Variants in TDRD5 observed in about 807,000 individuals in gnomAD.
TDRD5 encodes the protein tudor domain-containing protein 5.
Under a neutral mutation model 120.6 loss-of-function variants are expected in TDRD5, and 41 were observed. The observed-to-expected ratio is 0.34, with a 90% CI of 0.26 to 0.44. The LOEUF is 0.44. TDRD5 is among the 20% of genes least tolerant of loss of function. TDRD5 has a pLI of 1.00. For missense variants in TDRD5, 1,006 were observed against 1,221.2 expected (o/e 0.82, Z 2.63); for synonymous variants, 430 against 433.7 (o/e 0.99, Z 0.11).
At chr1:179,646,808 C>T (rs1301037087) in intron 11 of TDRD5, among the ~76,000 whole-genome samples, 20 of 151,926 alleles carry the variant, frequency 1.3e-4, no homozygotes, top group Non-Finnish European at 2.8e-4. Context: ...TATACACCAA[C>T]AACAGACAGA....
chr1:179,629,373 C>T (rs897429842), intron 6 of TDRD5, among the ~76,000 whole-genome samples: 1 of 152,082 alleles, frequency 6.6e-6, no homozygotes, highest in African/African-American at 2.4e-5. Flanking sequence ...AGAAGGTCTT[C>T]CACTGAAAGC....
chr1:179,654,804 A>G (rs899603678), intron 14 of TDRD5, among the ~76,000 whole-genome samples: 7 of 152,146 alleles, frequency 4.6e-5, no homozygotes, highest in African/African-American at 9.7e-5. Flanking sequence ...AAATGTGTTC[A>G]TAGTAACCAA....
intron 17 of TDRD5, 136 bp from the exon 18 acceptor site, chr1:179,690,559 TG>T: frequency 8.6e-7 from 1 of 1,162,520 alleles, no homozygotes; most frequent in Non-Finnish European, 1.2e-6. Context: ...TCATCTTCTC[TG>T]ATTAGCCATT....
At chr1:179,646,898 G>A (rs946123146) in intron 11 of TDRD5, among the ~76,000 whole-genome samples, 1 of 151,126 alleles carries the variant, frequency 6.6e-6, no homozygotes, top group African/African-American at 2.4e-5. Context: ...TACAAGGGAT[G>A]TGAAGGACCT....
At chr1:179,663,608 C>G in intron 16 of TDRD5, 117 bp downstream of exon 16, 1 of 1,325,080 alleles carries the variant, frequency 7.5e-7, no homozygotes, top group East Asian at 2.5e-5. Context: ...TAACAGCTTG[C>G]TGTAGCTGTT....
At chr1:179,684,931 ACT>A (rs1455096823) in intron 17 of TDRD5, among the ~76,000 whole-genome samples, 1 of 151,866 alleles carries the variant, frequency 6.6e-6, no homozygotes, top group African/African-American at 2.4e-5. Context: ...TTCTTTGTAG[ACT>A]CTGGATATTA....
At chr1:179,615,134 T>C (rs530028213) in intron 4 of TDRD5, among the ~76,000 whole-genome samples, 6 of 152,242 alleles carry the variant, frequency 3.9e-5, no homozygotes, top group South Asian at 2.1e-4. Context: ...CTGGGTTTTT[T>C]CATTATAATA....
chr1:179,593,862 C>T lies in TDRD5; in HGVS notation c.635C>T (p.Pro212Leu). The change falls in exon 3 of 18, where the codon CCA (proline) becomes CTA (leucine). Residue 212 changes from proline (P) to leucine (L), a missense_variant. By Grantham distance (98) the Pro-to-Leu change is moderately conservative. Transcript: ENST00000444136. ...SVTEEKPRGCPAGKIFTQPFR... is the reference protein window; with the variant it reads ...SVTEEKPRGCLAGKIFTQPFR... ...ACAGAGGAAAAGCCGAGAGGATGTC[C>T]AGCAGGTACGCATGTGAGCAAATGT... 1 of 1,612,282 alleles carries T rather than the reference C, an allele frequency of 6.2e-7. No homozygotes were observed. Among genetic ancestry groups the T allele is most frequent in the South Asian group, 1.1e-5 (1 of 90,878 alleles).
At chr1:179,610,856 A>G (rs1443526486) in intron 4 of TDRD5, among the ~76,000 whole-genome samples, 1 of 152,016 alleles carries the variant, frequency 6.6e-6, no homozygotes, top group African/African-American at 2.4e-5. Flanking sequence ...GTAAGTTCCA[A>G]AATTTCAATG....
At chr1:179,649,346 T>A (rs1434687137) in intron 11 of TDRD5, among the ~76,000 whole-genome samples, 1 of 152,154 alleles carries the variant, frequency 6.6e-6, no homozygotes, top group Non-Finnish European at 1.5e-5. Flanking sequence ...TGCTGCTTTT[T>A]TTCTGGGACC....
chr1:179,632,210 C>T (rs1677496063), intron 7 of TDRD5, among the ~76,000 whole-genome samples: 1 of 151,802 alleles, frequency 6.6e-6, no homozygotes, highest in Non-Finnish European at 1.5e-5. Context: ...CCGGCCGTGA[C>T]CTTCTTTTTC....
intron 11 of TDRD5, 61 bp from the exon 12 acceptor site, chr1:179,650,806 T>C (rs879268720): frequency 1.3e-6 from 2 of 1,533,682 alleles, no homozygotes; most frequent in South Asian, 1.1e-5. Context: ...TTGTTGTATA[T>C]GGTTATTATA....
At chr1:179,609,596 T>C (rs1299180795) in intron 4 of TDRD5, among the ~76,000 whole-genome samples, 2 of 152,144 alleles carry the variant, frequency 1.3e-5, no homozygotes, top group Non-Finnish European at 2.9e-5. Context: ...CAGTCTATGG[T>C]ATTTTGTTAT....
rs1412926174 is a variant in TDRD5 at position 179,591,888 on chromosome 1, C to T, written c.-252C>T. On this transcript the variant is annotated 5_prime_UTR_variant, in exon 1 of 18. Coordinates refer to ENST00000444136, the MANE Select transcript of TDRD5 (RefSeq NM_001199085.3). ...CCTGCGCCGATTCGGAGAGGGCCCC[C>T]TAATCTCTACTCGGCCCGCACCAGC... 1 of 152,366 alleles carries T rather than the reference C, an allele frequency of 6.6e-6. No homozygotes were observed. Among genetic ancestry groups the T allele is most frequent in the Non-Finnish European group, 1.5e-5 (1 of 68,152 alleles). 9.4% of individuals were successfully genotyped at this position (152,366 alleles called of 1,614,324 possible). A position where few individuals can be genotyped will look rare whatever the true frequency, so the allele number is the denominator to read the frequency against.
intron 7 of TDRD5, among the ~76,000 whole-genome samples, chr1:179,632,528 C>G (rs1054734413): frequency 1.5e-4 from 22 of 151,640 alleles, no homozygotes; most frequent in Non-Finnish European, 2.8e-4. Context: ...TTTTATCCAC[C>G]CCCCCAAAAT....
intron 5 of TDRD5, among the ~76,000 whole-genome samples, chr1:179,619,877 C>T (rs1319913767): frequency 6.6e-6 from 1 of 152,116 alleles, no homozygotes; most frequent in Non-Finnish European, 1.5e-5. Context: ...ACTTCAGCCT[C>T]CCAAAGGCTG....
intron 17 of TDRD5, among the ~76,000 whole-genome samples, chr1:179,678,945 T>C (rs1269712477): frequency 1.3e-5 from 2 of 151,464 alleles, no homozygotes; most frequent in Non-Finnish European, 3.0e-5. Flanking sequence ...TTGTTGTTGA[T>C]CTTATAGGAA....
intron 16 of TDRD5, among the ~76,000 whole-genome samples, chr1:179,668,741 C>CTTTTTTTTTT (rs35873475): frequency 9.1e-6 from 1 of 110,332 alleles, no homozygotes; most frequent in Non-Finnish European, 1.8e-5. Context: ...TATCTAGGTT[C>CTTTTTTTTTT]TTTTTTTTTT....
chr1:179,670,237 A>T (rs1426615514), intron 17 of TDRD5, among the ~76,000 whole-genome samples: 1 of 152,034 alleles, frequency 6.6e-6, no homozygotes, highest in African/African-American at 2.4e-5. Context: ...TAAAAATACA[A>T]AAATTAGCCA....
Sources: allele counts gnomAD v4.1 joint callset (sites outside exome capture counted in the v4.1 genomes callset), GRCh38; gene constraint gnomAD v4.1.1; transcripts MANE v1.5; gene names NCBI Gene and HGNC (gene_info 2026-07-23, HGNC 2026-07-21).